Variants in CDH13 observed in about 807,000 individuals in gnomAD.
CDH13 encodes the protein cadherin-13.
A neutral mutation model predicts 63.8 loss-of-function variants in CDH13; 24 were observed. The ratio of observed to expected loss-of-function variants is 0.38; its 90% CI spans 0.27 to 0.53. CDH13 has a LOEUF of 0.53. Among genes scored for constraint, CDH13 ranks in the 20% least tolerant of loss-of-function variants. The pLI, the probability that CDH13 is intolerant of heterozygous loss-of-function variation, is 0.85. For synonymous variants in CDH13, 503 were observed against 355.3 expected (o/e 1.42, Z -4.67); for missense variants, 1,049 against 903.1 (o/e 1.16, Z -2.07).
chr16:83,576,545 A>G (rs1905098438), intron 7 of CDH13, among the ~76,000 whole-genome samples: 1 of 152,180 alleles, frequency 6.6e-6, no homozygotes, highest in African/African-American at 2.4e-5. Flanking sequence ...TCTATGTTTA[A>G]CTTTTTGAGG....
intron 1 of CDH13, among the ~76,000 whole-genome samples, chr16:82,714,079 G>A (rs1488223701): frequency 6.6e-6 from 1 of 152,096 alleles, no homozygotes; most frequent in African/African-American, 2.4e-5. Flanking sequence ...AATTACAGGT[G>A]TGAGCCACTG....
intron 6 of CDH13, chr16:83,383,247 C>T (rs2091604068): frequency 6.6e-6 from 1 of 152,220 alleles, no homozygotes; most frequent in Non-Finnish European, 1.5e-5. Flanking sequence ...CAGTGTTCCA[C>T]CTGCTGGGGC....
At chr16:82,977,249 A>C (rs1425550303) in intron 2 of CDH13, among the ~76,000 whole-genome samples, 1 of 152,130 alleles carries the variant, frequency 6.6e-6, no homozygotes, top group Non-Finnish European at 1.5e-5. Flanking sequence ...GAGCTGGACA[A>C]CACTGGGATG....
intron 2 of CDH13, chr16:82,953,538 C>T (rs1905599265): frequency 6.6e-6 from 1 of 152,194 alleles, no homozygotes; most frequent in Admixed American, 6.5e-5. Flanking sequence ...ATGATATTAG[C>T]TCTGCATGGT....
At chr16:82,784,450 T>G (rs563527935) in intron 1 of CDH13, among the ~76,000 whole-genome samples, 2 of 152,256 alleles carry the variant, frequency 1.3e-5, no homozygotes, top group African/African-American at 4.8e-5. Context: ...GGACAGCGAA[T>G]GCTCTCCCCC....
chr16:83,201,059 C>G (rs925408039), intron 4 of CDH13, among the ~76,000 whole-genome samples: 3 of 151,888 alleles, frequency 2.0e-5, no homozygotes, highest in Admixed American at 6.6e-5. Context: ...GCCCAAGAAG[C>G]AGAACTGGTC....
At chr16:83,059,816 A>T (rs2031354184) in intron 3 of CDH13, among the ~76,000 whole-genome samples, 2 of 123,382 alleles carry the variant, frequency 1.6e-5, no homozygotes, top group Non-Finnish European at 3.3e-5. Context: ...TTTTTTTTAG[A>T]AGGAGTCTCG....
intron 4 of CDH13, among the ~76,000 whole-genome samples, chr16:83,176,711 G>T (rs961492486): frequency 6.6e-6 from 1 of 151,920 alleles, no homozygotes. Flanking sequence ...AGGGGGTTGG[G>T]GTGGGTATAT....
chr16:82,661,684 C>T (rs1391419223), intron 1 of CDH13, among the ~76,000 whole-genome samples: 1 of 152,330 alleles, frequency 6.6e-6, no homozygotes, highest in East Asian at 1.9e-4. Context: ...TGTATGAACT[C>T]GTCTGTCTTT....
chr16:83,728,342 C>CGTGTGTGTGT lies in CDH13; in HGVS notation c.1539-19755_1539-19746dup, dbSNP rs145865689. Among the ~76,000 whole-genome samples, 719 of 149,150 alleles carry CGTGTGTGTGT rather than the reference C, an allele frequency of 4.8e-3. 3 individuals are homozygous for CGTGTGTGTGT. The highest frequency in any genetic ancestry group is 0.014 in the Middle Eastern group (4 of 292). On this transcript the variant is annotated intron_variant, in intron 10 of 13. Transcript: ENST00000567109. ...CTATGTGTGTATGTGTATGTGTGTG[C>CGTGTGTGTGT]GTGTGTGTGTGTGTGTGTGTTGTGA...
chr16:83,502,500 A>C (rs1271992658), intron 7 of CDH13, among the ~76,000 whole-genome samples: 1 of 152,210 alleles, frequency 6.6e-6, no homozygotes, highest in Non-Finnish European at 1.5e-5. Context: ...GTGTAAGAGA[A>C]TAAAGTCACA....
At chr16:82,912,296 A>G (rs895490386) in intron 2 of CDH13, among the ~76,000 whole-genome samples, 12 of 152,198 alleles carry the variant, frequency 7.9e-5, no homozygotes, top group African/African-American at 2.4e-4. Context: ...ACTCTGTCAT[A>G]CTTCACAGAA....
At chr16:82,920,543 G>T (rs1322309991) in intron 2 of CDH13, among the ~76,000 whole-genome samples, 1 of 152,230 alleles carries the variant, frequency 6.6e-6, no homozygotes, top group Non-Finnish European at 1.5e-5. Flanking sequence ...TCTGTAAACA[G>T]ACTGAGAGTC....
chr16:82,845,620 C>T (rs1013214175), intron 1 of CDH13, among the ~76,000 whole-genome samples: 5 of 152,118 alleles, frequency 3.3e-5, no homozygotes, highest in Non-Finnish European at 7.4e-5. Context: ...GTTCCCAGTG[C>T]CTGCCACATG....
At chr16:83,251,405 C>A (rs529453526) in intron 5 of CDH13, among the ~76,000 whole-genome samples, 1 of 152,258 alleles carries the variant, frequency 6.6e-6, no homozygotes, top group African/African-American at 2.4e-5. Flanking sequence ...GAGAAGGCAC[C>A]TGAGGCTCTT....
At chr16:82,801,033 A>C (rs2036830688) in intron 1 of CDH13, among the ~76,000 whole-genome samples, 1 of 152,178 alleles carries the variant, frequency 6.6e-6, no homozygotes, top group Non-Finnish European at 1.5e-5. Context: ...TTATTGAGCA[A>C]AGATTAGGAC....
At chr16:83,683,046 G>A (rs893788231) in intron 10 of CDH13, among the ~76,000 whole-genome samples, 8 of 152,184 alleles carry the variant, frequency 5.3e-5, no homozygotes, top group East Asian at 1.9e-4. Context: ...TCGGCTGACC[G>A]CGGCCAGACA....
Position 82,964,220 on chromosome 16 carries a change from G to C in CDH13, c.158-67790G>C, listed in dbSNP as rs564680747. Among the ~76,000 whole-genome samples, 7 of 152,276 alleles carry C rather than the reference G, an allele frequency of 4.6e-5. No homozygotes were observed. In the East Asian group the frequency reaches 1.4e-3, roughly 29 times the overall value. On this transcript the variant is annotated intron_variant, in intron 2 of 13. Coordinates refer to ENST00000567109, the MANE Select transcript of CDH13 (RefSeq NM_001257.5). ...TGGAGCTCCATAAAAGAGAGGCATA[G>C]GCTGATGTAATTTCCTTGAAGTCCC...
chr16:83,334,801 G>T (rs2090557968), intron 5 of CDH13, among the ~76,000 whole-genome samples: 1 of 152,082 alleles, frequency 6.6e-6, no homozygotes, highest in African/African-American at 2.4e-5. Context: ...GTATGTCTTT[G>T]TTTAAGGCAC....
Sources: gnomAD v4.1 joint callset for allele counts (sites outside exome capture counted in the v4.1 genomes callset) on GRCh38, gnomAD v4.1.1 for gene constraint, MANE v1.5 for transcripts, NCBI Gene and HGNC (gene_info 2026-07-23, HGNC 2026-07-21) for gene names.